The following ART1 variants were observed in gnomAD, a reference collection of about 807,000 sequenced individuals.
The protein encoded by ART1 is ADP-ribosyltransferase 1.
Under a neutral mutation model 27.0 loss-of-function variants are expected in ART1, and 29 were observed. The ratio of observed to expected loss-of-function variants is 1.08; its 90% CI spans 0.80 to 1.47. The LOEUF is 1.47. Among genes scored for constraint, ART1 ranks in the 40% most tolerant of loss-of-function variants. The pLI, the probability that ART1 is intolerant of heterozygous loss-of-function variation, is 0.00. For missense variants in ART1, 480 were observed against 423.0 expected, an observed-to-expected ratio of 1.13 and a Z score of -1.18; for synonymous variants, 201 against 172.2, an observed-to-expected ratio of 1.17 and a Z score of -1.31.
chr11:3,663,002 ATCATC>A (rs763359216), intron 4 of ART1, among the ~76,000 whole-genome samples: 56 of 133,674 alleles, frequency 4.2e-4, no homozygotes, highest in Non-Finnish European at 7.7e-4. Flanking sequence ...CTCCCCAGAC[ATCATC>A]TCATCTCATC....
Position 3,660,255 on chromosome 11 carries a change from T to A in ART1, c.736T>A (p.Phe246Ile), listed in dbSNP as rs2077610129. 1 of 1,613,310 alleles carries A rather than the reference T, an allele frequency of 6.2e-7. No homozygotes were observed. Among genetic ancestry groups the A allele is most frequent in the East Asian group, 2.2e-5 (1 of 44,884 alleles). Residue 246 changes from phenylalanine to isoleucine, a missense_variant, in exon 3 of 5, where the codon TTT becomes ATT. Physicochemically the swap from Phe to Ile is conservative, Grantham distance 21. Transcript: ENST00000250693. The part of the protein sequence containing the change: ...PGEEEVLIPP[F>I]ETFQVINASR... ...AGAGGAAGAGGTGCTGATCCCCCCC[T>A]TTGAGACCTTCCAAGTGATCAATGC...
chr11:3,660,368 G>C lies in ART1; in HGVS notation c.844+5G>C. The C allele has an allele frequency of 6.3e-7, 1 of 1,595,564 alleles. No individual in the cohort carries two copies. The highest frequency in any genetic ancestry group is 8.5e-7 in the Non-Finnish European group (1 of 1,175,924). On this transcript the variant is annotated splice_donor_5th_base_variant and intron_variant, in intron 3 of 4. Transcript: ENST00000250693. ...ACAACTGCGAGTACATCAAAGGTAGGAGGGCAAGCGCTGGTCGGCACCTGT... is the reference window on the plus strand; with the variant it reads ...ACAACTGCGAGTACATCAAAGGTAGCAGGGCAAGCGCTGGTCGGCACCTGT...
intron 4 of ART1, 131 bp from the exon 5 acceptor site, chr11:3,663,961 T>C (rs2077641548): frequency 2.6e-6 from 2 of 758,390 alleles, no homozygotes; most frequent in Non-Finnish European, 4.2e-6. Context: ...GTTTTGTGTA[T>C]CAGTCTGTCC....
At chr11:3,657,592 A>G (rs1297034859) in intron 1 of ART1, among the ~76,000 whole-genome samples, 1 of 152,216 alleles carries the variant, frequency 6.6e-6, no homozygotes, top group Non-Finnish European at 1.5e-5. Context: ...CAAACAAAGT[A>G]GATACCATTT....
At chr11:3,653,755 C>A (rs567602560) in intron 1 of ART1, among the ~76,000 whole-genome samples, 1 of 152,088 alleles carries the variant, frequency 6.6e-6, no homozygotes, top group Non-Finnish European at 1.5e-5. Context: ...CCCTATAGCC[C>A]ATCAGACATC....
chr11:3,661,498 T>G, intron 4 of ART1, 85 bp downstream of exon 4: 1 of 1,130,122 alleles, frequency 8.8e-7, no homozygotes, highest in Non-Finnish European at 1.2e-6. Flanking sequence ...ATCTTTTTTT[T>G]TTTTTTTTTT....
intron 1 of ART1, among the ~76,000 whole-genome samples, chr11:3,658,333 G>A (rs1589923319): frequency 7.0e-6 from 1 of 142,168 alleles, no homozygotes. Context: ...ACTTGGTCTC[G>A]GAAAAAAAAA....
chr11:3,661,490 CTTTTTTTTTTTT>C, intron 4 of ART1, 77 bp downstream of exon 4: 1 of 318,504 alleles, frequency 3.1e-6, no homozygotes, highest in Non-Finnish European at 5.4e-6. Context: ...TCACCTCGAT[CTTTTTTTTTTTT>C]TTTTTTTTTG....
chr11:3,653,851 T>G (rs1207496223), intron 1 of ART1, among the ~76,000 whole-genome samples: 2 of 71,818 alleles, frequency 2.8e-5, no homozygotes, highest in Admixed American at 1.2e-4. Context: ...TTCCACCTCC[T>G]ACCTCTGTCT....
chr11:3,661,559 A>G, intron 4 of ART1, 146 bp downstream of exon 4: 1 of 590,582 alleles, frequency 1.7e-6, no homozygotes, highest in Non-Finnish European at 2.8e-6. Flanking sequence ...CAATGGCACA[A>G]TCTCGGCTCA....
At chr11:3,653,534 G>A (rs939913483) in intron 1 of ART1, among the ~76,000 whole-genome samples, 4 of 151,520 alleles carry the variant, frequency 2.6e-5, no homozygotes, top group African/African-American at 7.3e-5. Context: ...ATCTCCCTTC[G>A]CTGACTCTCT....
chr11:3,650,967 T>A (rs1170139103), intron 1 of ART1, among the ~76,000 whole-genome samples: 1 of 151,618 alleles, frequency 6.6e-6, no homozygotes, highest in Non-Finnish European at 1.5e-5. Context: ...TTAAAGCCTG[T>A]TATTACTTGC....
rs775219808 is a variant in ART1, at chr11:3,661,373, C to G, written c.846C>G (p.Asp282Glu). Residue 282 changes from aspartate (D) to glutamate (E), a missense_variant and splice_region_variant, in exon 4 of 5, where the codon GAC becomes GAG. Asp to Glu is a conservative substitution (Grantham distance 45). Transcript: ENST00000250693. ...HSTYNCEYIK[D>E]KKCKSGPCHL... ...TTCTTTACTGTTTCTTTTCTATAGA[C>G]AAGAAGTGCAAGTCTGGGCCTTGCC... The G allele has an allele frequency of 1.2e-6, 2 of 1,610,334 alleles. No homozygotes were observed. The highest frequency in any genetic ancestry group is 4.5e-5 in the East Asian group (2 of 44,730).
Position 3,652,916 on chromosome 11 carries a change from A to G in ART1, c.-52-6246A>G, listed in dbSNP as rs2077536472. The stretch of plus-strand genomic sequence containing the variant: ...TGTCCTAGGTCCTCCCAATTCTTAG[A>G]CCTTTTATACCTGTTTTTCTCCTTC... On this transcript the variant is annotated intron_variant, in intron 1 of 4. Transcript: ENST00000250693. 3.4e-5 allele frequency among the ~76,000 whole-genome samples: 5 copies of G among 149,186 alleles called. No homozygotes were observed. In the South Asian group the frequency reaches 1.1e-3, roughly 32 times the overall value.
chr11:3,648,879 C>G (rs1304809382), intron 1 of ART1, among the ~76,000 whole-genome samples: 1 of 152,126 alleles, frequency 6.6e-6, no homozygotes, highest in African/African-American at 2.4e-5. Context: ...CTCCTTCACC[C>G]TTAGCGGCAA....
At chr11:3,661,536 C>A (rs1425332136) in intron 4 of ART1, 123 bp downstream of exon 4, 5 of 739,636 alleles carry the variant, frequency 6.8e-6, no homozygotes, top group Non-Finnish European at 8.0e-6. Context: ...CTCTTGTTGC[C>A]CAGGCTGGAG....
At chr11:3,655,480 C>T (rs1003777357) in intron 1 of ART1, 1 of 152,204 alleles carries the variant, frequency 6.6e-6, no homozygotes, top group Admixed American at 6.5e-5. Context: ...CACTTTTGGC[C>T]TGCCCTGTGC....
intron 1 of ART1, among the ~76,000 whole-genome samples, chr11:3,649,151 T>G (rs2077495983): frequency 6.6e-6 from 1 of 152,040 alleles, no homozygotes. Flanking sequence ...TGGGCTTGCC[T>G]CCTTCACTAC....
chr11:3,653,472 T>G (rs1427404104), intron 1 of ART1, among the ~76,000 whole-genome samples: 1 of 149,720 alleles, frequency 6.7e-6, no homozygotes, highest in Non-Finnish European at 1.5e-5. Context: ...AACCCCCCTT[T>G]GACTGTAATT....
Sources: gnomAD v4.1 joint callset for allele counts (sites outside exome capture counted in the v4.1 genomes callset) on GRCh38, gnomAD v4.1.1 for gene constraint, MANE v1.5 for transcripts, NCBI Gene and HGNC (gene_info 2026-07-23, HGNC 2026-07-21) for gene names.